Variants in FGD5 observed in about 807,000 individuals in gnomAD.
FGD5 encodes FYVE, RhoGEF and PH domain-containing protein 5.
A neutral mutation model predicts 133.4 loss-of-function variants in FGD5; 28 were observed. The observed-to-expected ratio is 0.21, with a 90% CI of 0.16 to 0.29. FGD5 has a LOEUF of 0.29. FGD5 is among the 10% of genes least tolerant of loss of function. The pLI is 1.00. For missense variants in FGD5, 1,858 were observed against 1,895.2 expected, an observed-to-expected ratio of 0.98 and a Z score of 0.36; for synonymous variants, 810 against 776.5, an observed-to-expected ratio of 1.04 and a Z score of -0.72.
At chr3:14,926,231 C>G in intron 18 of FGD5, 33 bp downstream of exon 18, 2 of 1,610,458 alleles carry the variant, frequency 1.2e-6, no homozygotes, top group Non-Finnish European at 1.7e-6. Context: ...CCCCTCTCCT[C>G]TCTCCTGTGA....
chr3:14,876,709 CTAGGCTCA>C (rs1362052481), intron 2 of FGD5, among the ~76,000 whole-genome samples: 2 of 152,170 alleles, frequency 1.3e-5, no homozygotes, highest in Non-Finnish European at 2.9e-5. Flanking sequence ...TGAATAATAT[CTAGGCTCA>C]TACAGATATG....
chr3:14,822,644 T>C (rs2036526058), intron 1 of FGD5, among the ~76,000 whole-genome samples: 1 of 152,194 alleles, frequency 6.6e-6, no homozygotes, highest in African/African-American at 2.4e-5. Context: ...TTGCCATTCC[T>C]TATGGAATTG....
rs113191403 is a variant in FGD5 at position 14,881,103 on chromosome 3, T to C, written c.2748+331T>C. On this transcript the variant is annotated intron_variant, in intron 4 of 19. Coordinates refer to ENST00000285046, the MANE Select transcript of FGD5 (RefSeq NM_152536.4). The stretch of plus-strand genomic sequence containing the variant: ...TTTCTGGGGATTGCTATGTGTGAGT[T>C]TGTGTATGTGAGTTTGTGCACCTGT... 9.8e-3 allele frequency among the ~76,000 whole-genome samples: 1,491 copies of C among 152,234 alleles called. 30 individuals are homozygous for C. Among genetic ancestry groups the C allele is most frequent in the African/African-American group, 0.034 (1,416 of 41,536 alleles).
chr3:14,810,773 G>C (rs1446948021), upstream of FGD5: 2 of 979,586 alleles, frequency 2.0e-6, no homozygotes, highest in African/African-American at 3.5e-5. Context: ...CGGCCGCGGA[G>C]GGAGGCGGTG....
At chr3:14,897,247 G>A in intron 4 of FGD5, 1 of 447,814 alleles carries the variant, frequency 2.2e-6, no homozygotes. Context: ...CGAGAGGAGA[G>A]TGAGTGTGTG....
At chr3:14,869,780 T>G (rs1367780186) in intron 2 of FGD5, among the ~76,000 whole-genome samples, 1 of 152,236 alleles carries the variant, frequency 6.6e-6, no homozygotes, top group Non-Finnish European at 1.5e-5. Flanking sequence ...TTCTTTCCCC[T>G]TTAATACTGA....
intron 13 of FGD5, chr3:14,920,462 G>C (rs1009170915): frequency 2.6e-5 from 4 of 151,758 alleles, no homozygotes; most frequent in African/African-American, 9.7e-5. Flanking sequence ...TTTGGGACCA[G>C]CCTGGGCAAC....
intron 9 of FGD5, among the ~76,000 whole-genome samples, chr3:14,904,607 T>C (rs1231427001): frequency 6.6e-6 from 1 of 152,116 alleles, no homozygotes; most frequent in East Asian, 1.9e-4. Flanking sequence ...AGTCTTAGAA[T>C]CAGTCATTTC....
chr3:14,927,232 G>T (rs2038820043), intron 18 of FGD5, among the ~76,000 whole-genome samples: 1 of 152,256 alleles, frequency 6.6e-6, no homozygotes, highest in Non-Finnish European at 1.5e-5. Context: ...GCCTTTGCCT[G>T]TGTCCACAGG....
chr3:14,902,944 G>A (rs79228018), intron 9 of FGD5, among the ~76,000 whole-genome samples: 6,772 of 152,350 alleles, frequency 0.044, 199 homozygotes, highest in Middle Eastern at 0.075. Context: ...CTCCAAGGCT[G>A]AAGTTGGACG....
At chr3:14,891,185 C>T (rs1424579826) in intron 4 of FGD5, among the ~76,000 whole-genome samples, 1 of 152,180 alleles carries the variant, frequency 6.6e-6, no homozygotes, top group Non-Finnish European at 1.5e-5. Context: ...TATGGAGACT[C>T]ACGGGGAAAG....
intron 1 of FGD5, among the ~76,000 whole-genome samples, chr3:14,833,442 G>A (rs1353288021): frequency 6.6e-6 from 1 of 152,182 alleles, no homozygotes; most frequent in East Asian, 1.9e-4. Flanking sequence ...TACAGAATCT[G>A]CTCAGGAACC....
intron 1 of FGD5, among the ~76,000 whole-genome samples, chr3:14,860,562 T>C (rs1042339877): frequency 6.6e-6 from 1 of 152,218 alleles, no homozygotes; most frequent in African/African-American, 2.4e-5. Flanking sequence ...TGGCTGAGGC[T>C]GAATTGAGGA....
chr3:14,860,730 TG>T (rs1354964232), intron 1 of FGD5, among the ~76,000 whole-genome samples: 1 of 152,116 alleles, frequency 6.6e-6, no homozygotes, highest in African/African-American at 2.4e-5. Context: ...TTCCAGCTAC[TG>T]GGGATGCTGA....
At chr3:14,853,825 T>A (rs546056690) in intron 1 of FGD5, among the ~76,000 whole-genome samples, 5 of 140,108 alleles carry the variant, frequency 3.6e-5, no homozygotes, top group Non-Finnish European at 6.2e-5. Flanking sequence ...AACTCTAGGC[T>A]GCCGAAAAGG....
chr3:14,833,477 C>T (rs563619252), intron 1 of FGD5, among the ~76,000 whole-genome samples: 11 of 152,174 alleles, frequency 7.2e-5, no homozygotes, highest in Admixed American at 3.3e-4. Context: ...GAGACTTTCT[C>T]GCACTGAGAG....
chr3:14,922,994 T>A lies in FGD5; in HGVS notation c.3808-52T>A. On this transcript the variant is annotated intron_variant, in intron 15 of 19. Transcript: ENST00000285046. This position sits in a 1 kb window ranked among gnomAD's most constrained non-coding sequence, Gnocchi z 4.1. ...AGGGAGCGGAGGGGAGGGGTGCAGG[T>A]CTCCTTTGCATGCACTGAGAGGGGT... 1 of 1,610,908 alleles carries A rather than the reference T, an allele frequency of 6.2e-7. No individual in the cohort carries two copies. The highest frequency in any genetic ancestry group is 8.5e-7 in the Non-Finnish European group (1 of 1,177,858).
At position 14,821,582 on chromosome 3, in the gene FGD5, C is replaced by T. The variant is rs548079550; in HGVS notation, c.2511C>T (p.Asp837=). ...TTGAGAGCAAACAGCAGAGTGCAGA[C>T]CAGGACGCAGAAAGGTACCTGACAT... ...NAFESKQQSA[D]QDAESAYTEP... The change falls in exon 1 of 20, where the codon GAC becomes GAT. Residue 837 remains aspartate, a synonymous_variant. Transcript: ENST00000285046. 29 of 1,596,752 alleles carry T rather than the reference C, an allele frequency of 1.8e-5. No homozygotes were observed. In the South Asian group the frequency reaches 3.1e-4, roughly 17 times the overall value.
intron 1 of FGD5, among the ~76,000 whole-genome samples, chr3:14,830,506 T>G (rs1468585761): frequency 1.3e-5 from 2 of 152,220 alleles, no homozygotes; most frequent in Admixed American, 6.5e-5. Flanking sequence ...AAGATCCTGA[T>G]TAAGTGTTAA....
Sources: gnomAD v4.1 joint callset for allele counts (sites outside exome capture counted in the v4.1 genomes callset) on GRCh38, gnomAD v4.1.1 for gene constraint, Gnocchi (gnomAD v3.1) non-coding constraint, MANE v1.5 for transcripts, NCBI Gene and HGNC (gene_info 2026-07-23, HGNC 2026-07-21) for gene names.